The following SFXN5 variants were observed in gnomAD, a reference collection of about 807,000 sequenced individuals.
SFXN5 encodes the protein sideroflexin 5.
Under a neutral mutation model 50.2 loss-of-function variants are expected in SFXN5, and 43 were observed. The ratio of observed to expected loss-of-function variants is 0.86; its 90% CI spans 0.67 to 1.11. The LOEUF (loss-of-function observed/expected upper bound fraction) is 1.11. Ranked by LOEUF, SFXN5 falls within the 50% of genes least tolerant of loss-of-function variation. The pLI is 0.00. For missense variants in SFXN5, 463 were observed against 454.1 expected, an observed-to-expected ratio of 1.02 and a Z score of -0.18; for synonymous variants, 203 against 185.8, an observed-to-expected ratio of 1.09 and a Z score of -0.75.
At chr2:73,050,384 C>T (rs1681091213) in intron 2 of SFXN5, among the ~76,000 whole-genome samples, 1 of 68,134 alleles carries the variant, frequency 1.5e-5, no homozygotes, top group South Asian at 6.5e-4. Flanking sequence ...GCCGCAGCCA[C>T]AGCGCACGCA....
intron 6 of SFXN5, among the ~76,000 whole-genome samples, chr2:73,015,903 A>AGTGGG (rs1676085182): frequency 6.6e-6 from 1 of 150,420 alleles, no homozygotes; most frequent in African/African-American, 2.5e-5. Flanking sequence ...GCATCACTGC[A>AGTGGG]CTCCAGCCTG....
intron 2 of SFXN5, 55 bp from the exon 3 acceptor site, chr2:73,040,986 T>A: frequency 6.5e-7 from 1 of 1,539,494 alleles, no homozygotes; most frequent in Non-Finnish European, 8.9e-7. Flanking sequence ...CTCCCGCAAA[T>A]TTTTCTTTTG....
chr2:72,996,943 G>C (rs901532464), intron 9 of SFXN5: 2 of 152,242 alleles, frequency 1.3e-5, no homozygotes, highest in Non-Finnish European at 2.9e-5. Flanking sequence ...AAGGAACAAG[G>C]AGGAGGTGAC....
At position 72,992,112 on chromosome 2, in the gene SFXN5, C is replaced by G. The variant is rs1672674475; in HGVS notation, c.535-3764G>C. On this transcript the variant is annotated intron_variant, in intron 9 of 13. Transcript: ENST00000272433. The surrounding 1 kb of genome is among the most constrained non-coding windows in gnomAD (Gnocchi z 4.5). Reference sequence around the variant, plus strand: ...GCAACATCCTGAAGGAGGGAATAGGCCTTCTTGACCACCTATCTCCAAGGT... The same window carrying G: ...GCAACATCCTGAAGGAGGGAATAGGGCTTCTTGACCACCTATCTCCAAGGT... Among the ~76,000 whole-genome samples the G allele has an allele frequency of 6.6e-6, 1 of 152,156 alleles. No homozygotes were observed. Among genetic ancestry groups the G allele is most frequent in the Admixed American group, 6.5e-5 (1 of 15,272 alleles).
intron 2 of SFXN5, among the ~76,000 whole-genome samples, chr2:73,053,859 C>A (rs1334264348): frequency 6.6e-6 from 1 of 152,164 alleles, no homozygotes; most frequent in Non-Finnish European, 1.5e-5. Context: ...AGCTAAGCAG[C>A]AACCACCCCG....
rs537612796 is a variant in SFXN5, at chr2:72,953,685, A to C, written c.945+7446T>G. On this transcript the variant is annotated intron_variant, in intron 13 of 13. Coordinates refer to ENST00000272433, the MANE Select transcript of SFXN5 (RefSeq NM_144579.3). This position sits in a 1 kb window ranked among gnomAD's most constrained non-coding sequence, Gnocchi z 4.1. ...AGCCTACACAGGTGAGGTGAGACAG[A>C]TCTTAGTGGGGAAGATCAGGGAGGA... Among the ~76,000 whole-genome samples, 1 of 152,278 alleles carries C rather than the reference A, an allele frequency of 6.6e-6. No individual in the cohort carries two copies. Among genetic ancestry groups the C allele is most frequent in the East Asian group, 1.9e-4 (1 of 5,182 alleles).
chr2:72,997,559 T>A (rs1259843724), intron 9 of SFXN5: 3 of 151,670 alleles, frequency 2.0e-5, no homozygotes, highest in African/African-American at 7.3e-5. Flanking sequence ...GTTTTGGGGT[T>A]TTTTAATTTC....
At chr2:72,985,234 C>G (rs1671763591) in intron 10 of SFXN5, among the ~76,000 whole-genome samples, 1 of 152,222 alleles carries the variant, frequency 6.6e-6, no homozygotes, top group East Asian at 1.9e-4. Context: ...CCTGAGCCAG[C>G]TTCTTGGTCA....
intron 1 of SFXN5, chr2:73,071,097 C>T (rs1264812102): frequency 6.4e-6 from 1 of 155,896 alleles, no homozygotes; most frequent in African/African-American, 2.4e-5. Flanking sequence ...GGGGCCAGGG[C>T]TGGGGAGTGA....
At chr2:73,001,647 T>C (rs1673930158) in intron 6 of SFXN5, 69 bp from the exon 7 acceptor site, 1 of 1,461,036 alleles carries the variant, frequency 6.8e-7, no homozygotes, top group Non-Finnish European at 9.6e-7. Flanking sequence ...AAAGAAAAAA[T>C]ACGCTACCAC....
In SFXN5 at chr2:73,037,105, C is replaced by T. The variant is rs75394717; in HGVS notation, c.249+3749G>A. Among the ~76,000 whole-genome samples the T allele has an allele frequency of 1.7e-3, 258 of 152,348 alleles. 2 individuals carry two copies. The highest frequency in any genetic ancestry group is 5.8e-3 in the African/African-American group (242 of 41,592). ...GTCTAGCACATTCGCCCATTCCCTC[C>T]TTCTGTAGGGTCTTGCTCCCTCGAT... On this transcript the variant is annotated intron_variant, in intron 3 of 13. Coordinates refer to ENST00000272433, the MANE Select transcript of SFXN5 (RefSeq NM_144579.3).
chr2:72,975,654 G>A (rs1670543808), intron 10 of SFXN5, among the ~76,000 whole-genome samples: 1 of 152,250 alleles, frequency 6.6e-6, no homozygotes, highest in Non-Finnish European at 1.5e-5. Context: ...ATGTGTGAAT[G>A]CAGCCATGTG....
intron 13 of SFXN5, among the ~76,000 whole-genome samples, chr2:72,954,154 G>A (rs1387201054): frequency 6.6e-6 from 1 of 152,154 alleles, no homozygotes; most frequent in African/African-American, 2.4e-5. Flanking sequence ...TCGGGGGAAG[G>A]CTTTAGACTT....
chr2:73,055,620 C>T (rs1428500790), intron 2 of SFXN5, among the ~76,000 whole-genome samples: 4 of 134,608 alleles, frequency 3.0e-5, no homozygotes, highest in Non-Finnish European at 6.2e-5. Context: ...TTTTTTGAGA[C>T]AGAGTCTCAC....
chr2:72,971,604 T>G lies in SFXN5; in HGVS notation c.707A>C (p.Asn236Thr). The G allele has an allele frequency of 6.2e-7, 1 of 1,613,772 alleles. No homozygotes were observed. Among genetic ancestry groups the G allele is most frequent in the Non-Finnish European group, 8.5e-7 (1 of 1,179,888 alleles). Residue 236 changes from asparagine (N) to threonine (T), a missense_variant, in exon 11 of 14, where the codon AAC becomes ACC. Physicochemically the swap from Asn to Thr is moderately conservative, Grantham distance 65 (BLOSUM62 0). Coordinates refer to ENST00000272433, the MANE Select transcript of SFXN5 (RefSeq NM_144579.3). Reference protein sequence around the residue: ...EGIDVLDSDGNLVGSSKIAAR... With the variant: ...EGIDVLDSDGTLVGSSKIAAR... ...TGCGATCTTGGAGGAGCCCACGAGGTTGCCATCGCTGTCCAGGACATCAAT... is the reference window on the plus strand; with the variant it reads ...TGCGATCTTGGAGGAGCCCACGAGGGTGCCATCGCTGTCCAGGACATCAAT...
chr2:73,041,556 G>C, intron 2 of SFXN5: 1 of 346,768 alleles, frequency 2.9e-6, no homozygotes, highest in South Asian at 2.2e-5. Context: ...TGGGCATGGT[G>C]GTGCATGCCT....
intron 13 of SFXN5, among the ~76,000 whole-genome samples, chr2:72,947,795 G>A (rs934142724): frequency 1.1e-4 from 16 of 152,008 alleles, no homozygotes; most frequent in Non-Finnish European, 2.1e-4. Flanking sequence ...TCGCCACTCC[G>A]TCTTCTCAAA....
At chr2:72,996,379 T>C (rs1673235162) in intron 9 of SFXN5, 1 of 152,256 alleles carries the variant, frequency 6.6e-6, no homozygotes, top group Non-Finnish European at 1.5e-5. Flanking sequence ...TCAGAACCCA[T>C]ACCCCACAAA....
rs553836739 is a variant in SFXN5, at chr2:72,988,209, T to C, written c.625+49A>G. On this transcript the variant is annotated intron_variant, in intron 10 of 13. Transcript: ENST00000272433. ...ATCTGTCTCCCTGGGAGCCCAGCGG[T>C]CCCCCACACCCACCCACAGCACACA... The C allele has an allele frequency of 3.3e-6, 5 of 1,536,874 alleles. No homozygotes were observed. In the South Asian group the frequency reaches 3.4e-5, roughly 11 times the overall value.
Sources: allele counts gnomAD v4.1 joint callset (sites outside exome capture counted in the v4.1 genomes callset), GRCh38; gene constraint gnomAD v4.1.1; non-coding constraint Gnocchi (gnomAD v3.1); transcripts MANE v1.5; gene names NCBI Gene and HGNC (gene_info 2026-07-23, HGNC 2026-07-21).